CLOCK: variants seen among roughly 807,000 people sequenced by gnomAD.
CLOCK encodes the protein circadian locomoter output cycles protein kaput.
CLOCK carries 43 observed loss-of-function variants against 118.4 expected under a neutral mutation model. The ratio of observed to expected loss-of-function variants is 0.36; its 90% CI spans 0.28 to 0.47. CLOCK has a LOEUF of 0.47. Ranked by LOEUF, CLOCK falls within the 20% of genes least tolerant of loss-of-function variation. CLOCK has a pLI of 1.00. For missense variants in CLOCK, 846 were observed against 999.9 expected (o/e 0.85, Z 2.08); for synonymous variants, 326 against 339.2 (o/e 0.96, Z 0.43).
At chr4:55,449,880 C>T (rs1398968810) in intron 16 of CLOCK, among the ~76,000 whole-genome samples, 2 of 152,140 alleles carry the variant, frequency 1.3e-5, no homozygotes, top group Non-Finnish European at 2.9e-5. Context: ...ATCACCATTA[C>T]CACCTACACA....
intron 8 of CLOCK, among the ~76,000 whole-genome samples, chr4:55,466,726 C>T (rs1725761452): frequency 6.6e-6 from 1 of 152,174 alleles, no homozygotes; most frequent in African/African-American, 2.4e-5. Context: ...TAATAGGTGT[C>T]AAACTTTCCA....
At chr4:55,466,843 C>CT (rs1725768147) in intron 8 of CLOCK, among the ~76,000 whole-genome samples, 1 of 152,142 alleles carries the variant, frequency 6.6e-6, no homozygotes, top group African/African-American at 2.4e-5. Flanking sequence ...AAAATGGTAA[C>CT]TACTTGGATC....
rs1342209439 is a variant in CLOCK at position 55,428,665 on chromosome 4, CAGT to C, written c.*6747_*6749del. On this transcript the variant is annotated 3_prime_UTR_variant, in exon 23 of 23. Transcript: ENST00000513440. ...TTTTAATTTAAAACCAAGAACCAAG[CAGT>C]AAGGACAGCAATGTCAAGAATATCA... is the stretch of plus-strand genomic sequence containing the variant. 6.6e-6 allele frequency: 1 copy of C among 152,006 alleles called. No homozygotes were observed. Among genetic ancestry groups the C allele is most frequent in the African/African-American group, 2.4e-5 (1 of 41,368 alleles). 9.4% of individuals were successfully genotyped at this position (152,006 alleles called of 1,614,324 possible).
chr4:55,450,189 AGACT>A lies in CLOCK; in HGVS notation c.1246_1249del (p.Leu417ArgfsTer68). 6.2e-7 allele frequency: 1 copy of A among 1,614,024 alleles called. No homozygotes were observed. The highest frequency in any genetic ancestry group is 8.5e-7 in the Non-Finnish European group (1 of 1,179,956). On this transcript the variant is annotated frameshift_variant, in exon 16 of 23. Transcript: ENST00000513440. LOFTEE classifies it high-confidence loss of function. Reference sequence around the variant, plus strand: ...ATCAAACCTTTCCAATGCTTCCTTGAGACTGACTGTGTTTATACGATTATCTGAC... The same window carrying A: ...ATCAAACCTTTCCAATGCTTCCTTGAGACTGTGTTTATACGATTATCTGAC...
intron 9 of CLOCK, 103 bp from the exon 10 acceptor site, chr4:55,459,364 T>G (rs962434647): frequency 1.3e-6 from 1 of 761,160 alleles, no homozygotes; most frequent in African/African-American, 1.7e-5. Context: ...TTTACAACCA[T>G]TATTTTCCCC....
intron 2 of CLOCK, among the ~76,000 whole-genome samples, chr4:55,504,242 C>A (rs1366399766): frequency 7.1e-6 from 1 of 141,348 alleles, no homozygotes; most frequent in East Asian, 2.0e-4. Flanking sequence ...GCCAAGATCG[C>A]ACCACTGCAC....
intron 3 of CLOCK, among the ~76,000 whole-genome samples, chr4:55,488,145 T>C (rs1469196431): frequency 6.6e-6 from 1 of 152,208 alleles, no homozygotes; most frequent in Non-Finnish European, 1.5e-5. Context: ...AAGCAATATG[T>C]GATGTAGACG....
chr4:55,435,307 G>A lies in CLOCK; in HGVS notation c.*108C>T. 1 of 1,277,876 alleles carries A rather than the reference G, an allele frequency of 7.8e-7. No individual in the cohort carries two copies. The highest frequency in any genetic ancestry group is 1.1e-6 in the Non-Finnish European group (1 of 882,128). 79.2% of individuals were successfully genotyped at this position (1,277,876 alleles called of 1,614,324 possible). A position where few individuals can be genotyped will look rare whatever the true frequency, so the allele number is the denominator to read the frequency against. ...TCCAGGAACTAGAACACTCAATACT[G>A]CATCTCATGAAACTGCTGGAACTTT... On this transcript the variant is annotated 3_prime_UTR_variant, in exon 23 of 23. Transcript: ENST00000513440.
intron 21 of CLOCK, among the ~76,000 whole-genome samples, chr4:55,439,789 G>C (rs756508493): frequency 6.6e-6 from 1 of 152,130 alleles, no homozygotes; most frequent in African/African-American, 2.4e-5. Context: ...CCATTTATAT[G>C]AGGTACTTAG....
intron 9 of CLOCK, among the ~76,000 whole-genome samples, chr4:55,462,440 C>G (rs1477542126): frequency 6.6e-6 from 1 of 152,130 alleles, no homozygotes; most frequent in African/African-American, 2.4e-5. Flanking sequence ...GCATGCACCA[C>G]CATGCTCAGC....
At chr4:55,538,953 C>T (rs895557228) in intron 1 of CLOCK, among the ~76,000 whole-genome samples, 1 of 152,160 alleles carries the variant, frequency 6.6e-6, no homozygotes, top group African/African-American at 2.4e-5. Context: ...CACTTCAGGC[C>T]AGCCACAGTG....
At chr4:55,513,528 A>C (rs765421241) in intron 1 of CLOCK, among the ~76,000 whole-genome samples, 9 of 152,094 alleles carry the variant, frequency 5.9e-5, no homozygotes, top group Admixed American at 5.9e-4. Context: ...GCTTTCACCA[A>C]TACCACACTG....
chr4:55,442,214 A>AT lies in CLOCK; in HGVS notation c.2105+217dup, dbSNP rs372831998. ...TTTGTATTCTATAATATTTTGTAGC[A>AT]TATTTTTGGACAAGAAAAAAAATTT... is the stretch of plus-strand genomic sequence containing the variant. On this transcript the variant is annotated intron_variant, in intron 21 of 22. Transcript: ENST00000513440. The AT allele has an allele frequency of 1.8e-5, 10 of 552,188 alleles. No homozygotes were observed. The African/African-American group carries it at 1.9e-4, about 10-fold the overall frequency. 34.2% of individuals were successfully genotyped at this position (552,188 alleles called of 1,614,324 possible). A position where few individuals can be genotyped will look rare whatever the true frequency, so the allele number is the denominator to read the frequency against.
chr4:55,453,459 G>T (rs1577708083), intron 14 of CLOCK: 4 of 493,298 alleles, frequency 8.1e-6, no homozygotes, highest in East Asian at 6.5e-5. Context: ...AACTTCTGCT[G>T]TAAAGCACAA....
rs186692059 is a variant in CLOCK at position 55,519,076 on chromosome 4, G to A, written c.-289-9011C>T. On this transcript the variant is annotated intron_variant, in intron 1 of 22. Transcript: ENST00000513440. Reference sequence around the variant, plus strand: ...TATTTTATTTTACTTTTACTTGATAGGGTTTCGCTCTGTTGCCCAGGCTGG... The same window carrying A: ...TATTTTATTTTACTTTTACTTGATAAGGTTTCGCTCTGTTGCCCAGGCTGG... 2.0e-5 allele frequency among the ~76,000 whole-genome samples: 3 copies of A among 152,176 alleles called. No homozygotes were observed. The East Asian group carries it at 5.8e-4, about 29-fold the overall frequency.
In CLOCK at chr4:55,535,195, A is replaced by T. The variant is rs949316382; in HGVS notation, c.-290+11587T>A. Among the ~76,000 whole-genome samples the T allele has an allele frequency of 2.0e-4, 29 of 145,724 alleles. 1 individual carries two copies. Among genetic ancestry groups the T allele is most frequent in the African/African-American group, 5.9e-4 (24 of 40,604 alleles). On this transcript the variant is annotated intron_variant, in intron 1 of 22. Coordinates refer to ENST00000513440, the MANE Select transcript of CLOCK (RefSeq NM_004898.4). ...GACCTCTTTATCAGTATAAAAAAAA[A>T]TTTTTTTGCTTCTTGATTATGGTGA... is the stretch of plus-strand genomic sequence containing the variant.
At position 55,428,171 on chromosome 4, in the gene CLOCK, GAAT is replaced by G. The variant is rs1233607231; in HGVS notation, c.*7241_*7243del. The G allele has an allele frequency of 6.6e-6, 1 of 152,110 alleles. No individual in the cohort carries two copies. Among genetic ancestry groups the G allele is most frequent in the African/African-American group, 2.4e-5 (1 of 41,420 alleles). The allele number at this position is 152,110 out of a possible 1,614,324, so 9.4% of individuals were successfully genotyped here. ...CATGACAAGAGTATGGGAAAGAGCA[GAAT>G]AATAGTACACGCAGTTTTAAAAGCT... On this transcript the variant is annotated 3_prime_UTR_variant, in exon 23 of 23. Transcript: ENST00000513440.
chr4:55,508,826 T>A (rs1728971021), intron 2 of CLOCK, among the ~76,000 whole-genome samples: 1 of 152,106 alleles, frequency 6.6e-6, no homozygotes, highest in Non-Finnish European at 1.5e-5. Context: ...TATCCTGACC[T>A]CATAATCTGC....
At chr4:55,532,203 C>T (rs1730597488) in intron 1 of CLOCK, among the ~76,000 whole-genome samples, 1 of 152,122 alleles carries the variant, frequency 6.6e-6, no homozygotes, top group South Asian at 2.1e-4. Context: ...GAATATCCCA[C>T]AGCTAACATC....
Sources: allele counts gnomAD v4.1 joint callset (sites outside exome capture counted in the v4.1 genomes callset), GRCh38; gene constraint gnomAD v4.1.1; transcripts MANE v1.5; gene names NCBI Gene and HGNC (gene_info 2026-07-23, HGNC 2026-07-21).